CASZ1: variants seen among roughly 807,000 people sequenced by gnomAD.
The protein encoded by CASZ1 is castor zinc finger 1, also known as zinc finger protein castor homolog 1.
In CASZ1, 28 loss-of-function variants were observed where a neutral mutation model predicts 135.2. That is an observed-to-expected ratio of 0.21 (90% CI 0.15 to 0.28). The LOEUF (loss-of-function observed/expected upper bound fraction) is 0.28, where lower values mean the gene tolerates loss of function less well. Among genes scored for constraint, CASZ1 ranks in the 10% least tolerant of loss-of-function variants. The probability of loss-of-function intolerance (pLI) is 1.00; values close to 1 mark genes in which losing one functional copy is unlikely to be tolerated. For synonymous variants in CASZ1, 1,068 were observed against 1,073.4 expected (o/e 0.99, Z 0.10); for missense variants, 2,161 against 2,453.3 (o/e 0.88, Z 2.52).
rs75065747 is a variant in CASZ1, at chr1:10,765,805, G to T, written c.-233-4948C>A. Among the ~76,000 whole-genome samples the T allele has an allele frequency of 8.3e-3, 1,270 of 152,252 alleles. 16 individuals are homozygous for T. Among genetic ancestry groups the T allele is most frequent in the African/African-American group, 0.027 (1,107 of 41,542 alleles). On this transcript the variant is annotated intron_variant, in intron 1 of 20. Coordinates refer to ENST00000377022, the MANE Select transcript of CASZ1 (RefSeq NM_001079843.3). ...AGGTACTGTCCACTGTCCTGCTGCC[G>T]GCAGGGGACAGGGAGGGGACCCGCA...
At chr1:10,650,835 GGGGC>G (rs1642549175) in intron 12 of CASZ1, 80 bp from the exon 13 acceptor site, 2 of 1,596,236 alleles carry the variant, frequency 1.3e-6, no homozygotes, top group Non-Finnish European at 1.7e-6. Context: ...GCCCGACCCT[GGGGC>G]TCCAGCCGAG....
Position 10,778,545 on chromosome 1 carries a change from C to T in CASZ1, c.-233-17688G>A, listed in dbSNP as rs201771322. On this transcript the variant is annotated intron_variant, in intron 1 of 20. Transcript: ENST00000377022. Reference sequence around the variant, plus strand: ...ACACGATCACACGCAAAACGATTTACACACGAACACAATCTCACACACACA... The same window carrying T: ...ACACGATCACACGCAAAACGATTTATACACGAACACAATCTCACACACACA... Among the ~76,000 whole-genome samples, 28 of 152,284 alleles carry T rather than the reference C, an allele frequency of 1.8e-4. No individual in the cohort carries two copies. The East Asian group carries it at 2.7e-3, about 15-fold the overall frequency.
intron 20 of CASZ1, among the ~76,000 whole-genome samples, chr1:10,641,558 T>A (rs1192985648): frequency 6.6e-6 from 1 of 152,192 alleles, no homozygotes; most frequent in Non-Finnish European, 1.5e-5. Flanking sequence ...TGCTCAGCTT[T>A]GGGCGTGGCC....
In CASZ1 at chr1:10,653,463, C is replaced by G. The variant is rs1642666350; in HGVS notation, c.2594G>C (p.Arg865Thr). ...GATGAGGCCCTTGCTTGCAGAGATC[C>G]TCTCCATGATGGAGGCGGGTGGTGC... ...VPAPPASIME[R>T]ISASKGLISP... is the part of the protein sequence containing the mutation. The change falls in exon 11 of 21, where the codon AGG becomes ACG. Residue 865 changes from arginine to threonine, a missense_variant. Physicochemically the swap from Arg to Thr is moderately conservative, Grantham distance 71. Transcript: ENST00000377022. 1 of 1,613,202 alleles carries G rather than the reference C, an allele frequency of 6.2e-7. No individual in the cohort carries two copies. The highest frequency in any genetic ancestry group is 8.5e-7 in the Non-Finnish European group (1 of 1,179,988).
rs572581606 is a variant in CASZ1 at position 10,776,149 on chromosome 1, A to C, written c.-233-15292T>G. On this transcript the variant is annotated intron_variant, in intron 1 of 20. Coordinates refer to ENST00000377022, the MANE Select transcript of CASZ1 (RefSeq NM_001079843.3). This position sits in a 1 kb window ranked among gnomAD's most constrained non-coding sequence, Gnocchi z 4.1. Reference sequence around the variant, plus strand: ...CTTCAACTTCCTTGAAATAAATTTTACTATTTTATTAGTGCAAACAAAATG... The same window carrying C: ...CTTCAACTTCCTTGAAATAAATTTTCCTATTTTATTAGTGCAAACAAAATG... 1.3e-5 allele frequency among the ~76,000 whole-genome samples: 2 copies of C among 152,380 alleles called. No individual in the cohort carries two copies. Among genetic ancestry groups the C allele is most frequent in the East Asian group, 3.9e-4 (2 of 5,192 alleles).
In CASZ1 at chr1:10,717,872, G is replaced by A. The variant is rs1639423355; in HGVS notation, c.-76-12328C>T. 6.6e-6 allele frequency among the ~76,000 whole-genome samples: 1 copy of A among 152,274 alleles called. No individual in the cohort carries two copies. Among genetic ancestry groups the A allele is most frequent in the African/African-American group, 2.4e-5 (1 of 41,478 alleles). On this transcript the variant is annotated intron_variant, in intron 2 of 20. Coordinates refer to ENST00000377022, the MANE Select transcript of CASZ1 (RefSeq NM_001079843.3). The surrounding 1 kb of genome is among the most constrained non-coding windows in gnomAD (Gnocchi z 4.6). ...GTGGTAGGACAACAGCCATCAGTGGGAGGAAGAGTCCGGGCAGGCTGGTGG... is the reference window on the plus strand; with the variant it reads ...GTGGTAGGACAACAGCCATCAGTGGAAGGAAGAGTCCGGGCAGGCTGGTGG...
rs1385396497 is a variant in CASZ1, at chr1:10,706,598, G to A, written c.-76-1054C>T. Among the ~76,000 whole-genome samples the A allele has an allele frequency of 6.6e-6, 1 of 152,206 alleles. No individual in the cohort carries two copies. Among genetic ancestry groups the A allele is most frequent in the African/African-American group, 2.4e-5 (1 of 41,462 alleles). The stretch of plus-strand genomic sequence containing the variant: ...GGAATGCCACCCAGTCCCACCGCCC[G>A]CTCTCCGGTTCCCAGGACATATTTA... On this transcript the variant is annotated intron_variant, in intron 2 of 20. Coordinates refer to ENST00000377022, the MANE Select transcript of CASZ1 (RefSeq NM_001079843.3). The surrounding 1 kb of genome is among the most constrained non-coding windows in gnomAD (Gnocchi z 4.3).
chr1:10,707,434 C>A lies in CASZ1; in HGVS notation c.-76-1890G>T, dbSNP rs1256701030. On this transcript the variant is annotated intron_variant, in intron 2 of 20. Coordinates refer to ENST00000377022, the MANE Select transcript of CASZ1 (RefSeq NM_001079843.3). This position sits in a 1 kb window ranked among gnomAD's most constrained non-coding sequence, Gnocchi z 5.0. ...GAACCCAAATCCCTCAGCAGTTGCA[C>A]TTCATTAAGTCAAAATGTGACAAGA... Among the ~76,000 whole-genome samples the A allele has an allele frequency of 1.3e-5, 2 of 152,128 alleles. No individual in the cohort carries two copies. The highest frequency in any genetic ancestry group is 2.9e-5 in the Non-Finnish European group (2 of 68,038).
rs751179649 is a variant in CASZ1 at position 10,753,733 on chromosome 1, C to T, written c.-77+6968G>A. 1.6e-4 allele frequency among the ~76,000 whole-genome samples: 24 copies of T among 152,136 alleles called. 1 individual carries two copies. The highest frequency in any genetic ancestry group is 2.4e-4 in the African/African-American group (10 of 41,410). ...CAGACCCCTCTGTGCCCTCTCTGCC[C>T]GCTCCCAGATGAAACATCGAGAGAG... is the stretch of plus-strand genomic sequence containing the variant. On this transcript the variant is annotated intron_variant, in intron 2 of 20. Coordinates refer to ENST00000377022, the MANE Select transcript of CASZ1 (RefSeq NM_001079843.3).
In CASZ1 at chr1:10,665,069, G is replaced by A. The variant is rs756822779; in HGVS notation, c.505+14C>T. On this transcript the variant is annotated intron_variant, in intron 5 of 20. Coordinates refer to ENST00000377022, the MANE Select transcript of CASZ1 (RefSeq NM_001079843.3). ...TCCTGGCCTTCAGCCTCCCTTCGAA[G>A]GCCAGGCACCCACCTGAAGCCTGCC... 1 of 1,498,920 alleles carries A rather than the reference G, an allele frequency of 6.7e-7. No individual in the cohort carries two copies. The highest frequency in any genetic ancestry group is 8.9e-7 in the Non-Finnish European group (1 of 1,125,170). The allele number at this position is 1,498,920 out of a possible 1,614,324, so 92.9% of individuals were successfully genotyped here.
At position 10,655,635 on chromosome 1, in the gene CASZ1, G is replaced by A. The variant is rs1642760662; in HGVS notation, c.1665+14C>T. ...GTCCTGCAGCTGCCCAGTGGGCCCG[G>A]GTGCGGGAGGCACCTGCATGCAGTG... On this transcript the variant is annotated intron_variant, in intron 9 of 20. Coordinates refer to ENST00000377022, the MANE Select transcript of CASZ1 (RefSeq NM_001079843.3). The A allele has an allele frequency of 6.2e-7, 1 of 1,605,754 alleles. No homozygotes were observed. Among genetic ancestry groups the A allele is most frequent in the South Asian group, 1.1e-5 (1 of 90,342 alleles).
At chr1:10,775,087 G>C (rs147403430) in intron 1 of CASZ1, among the ~76,000 whole-genome samples, 1 of 151,886 alleles carries the variant, frequency 6.6e-6, no homozygotes. Context: ...CAGGCAGTCG[G>C]CCAGAAAACC....
intron 2 of CASZ1, among the ~76,000 whole-genome samples, chr1:10,748,253 G>A (rs1640083260): frequency 6.6e-6 from 1 of 152,190 alleles, no homozygotes; most frequent in Non-Finnish European, 1.5e-5. Flanking sequence ...GCCGAGCCCT[G>A]TGTGTATACC....
intron 2 of CASZ1, among the ~76,000 whole-genome samples, chr1:10,754,341 C>T (rs546049339): frequency 2.6e-5 from 4 of 152,304 alleles, no homozygotes; most frequent in East Asian, 1.9e-4. Context: ...GAGGGCAGGA[C>T]GTTGGCCTCT....
At chr1:10,645,258 C>T (rs900929025) in intron 17 of CASZ1, among the ~76,000 whole-genome samples, 170 bp from the exon 18 acceptor site, 4 of 152,140 alleles carry the variant, frequency 2.6e-5, no homozygotes, top group Non-Finnish European at 4.4e-5. Flanking sequence ...GGGCCGGGCG[C>T]GGTGGCTCAC....
chr1:10,762,461 A>G lies in CASZ1; in HGVS notation c.-233-1604T>C, dbSNP rs538221928. On this transcript the variant is annotated intron_variant, in intron 1 of 20. Coordinates refer to ENST00000377022, the MANE Select transcript of CASZ1 (RefSeq NM_001079843.3). The surrounding 1 kb of genome is among the most constrained non-coding windows in gnomAD (Gnocchi z 4.1). ...GAAAAAACACTTTAATGGAAACTTC[A>G]GGGCCACTGGGAGACTCACTCCTCT... 6.6e-6 allele frequency among the ~76,000 whole-genome samples: 1 copy of G among 152,232 alleles called. No individual in the cohort carries two copies. Among genetic ancestry groups the G allele is most frequent in the East Asian group, 1.9e-4 (1 of 5,168 alleles).
chr1:10,748,366 C>T (rs2076490), intron 2 of CASZ1, among the ~76,000 whole-genome samples: 2,418 of 152,294 alleles, frequency 0.016, 48 homozygotes, highest in African/African-American at 0.047. Context: ...ACGTTAGCGA[C>T]GACAAATTAG....
intron 2 of CASZ1, among the ~76,000 whole-genome samples, chr1:10,710,050 G>A (rs374729507): frequency 4.9e-4 from 74 of 152,326 alleles, no homozygotes; most frequent in Middle Eastern, 6.8e-3. Context: ...GTCTACATAG[G>A]GTCAAGAGGA....
In CASZ1 at chr1:10,787,715, G is replaced by A. The variant is rs150696577; in HGVS notation, c.-234+8849C>T. ...CAGAGACCATCAGCAAAGAGGCAGCGAGGCTTCCTTTTGGTAAATCTCATC... is the reference window on the plus strand; with the variant it reads ...CAGAGACCATCAGCAAAGAGGCAGCAAGGCTTCCTTTTGGTAAATCTCATC... On this transcript the variant is annotated intron_variant, in intron 1 of 20. Coordinates refer to ENST00000377022, the MANE Select transcript of CASZ1 (RefSeq NM_001079843.3). Among the ~76,000 whole-genome samples, 622 of 152,106 alleles carry A rather than the reference G, an allele frequency of 4.1e-3. 8 individuals carry two copies. The highest frequency in any genetic ancestry group is 0.014 in the African/African-American group (589 of 41,484).
Sources: gnomAD v4.1 joint callset for allele counts (sites outside exome capture counted in the v4.1 genomes callset) on GRCh38, gnomAD v4.1.1 for gene constraint, Gnocchi (gnomAD v3.1) non-coding constraint, MANE v1.5 for transcripts, NCBI Gene and HGNC (gene_info 2026-07-23, HGNC 2026-07-21) for gene names.